Variants in LIG1 observed in about 807,000 individuals in gnomAD.
LIG1 encodes ligase I, DNA, ATP-dependent.
In LIG1, 70 loss-of-function variants were observed where a neutral mutation model predicts 115.7. The observed-to-expected ratio is 0.60, with a 90% confidence interval of 0.50 to 0.74. LIG1 has a LOEUF of 0.74. Among genes scored for constraint, LIG1 ranks in the 30% least tolerant of loss-of-function variants. The pLI, the probability that LIG1 is intolerant of heterozygous loss-of-function variation, is 0.00. For missense variants in LIG1, 1,115 were observed against 1,225.6 expected (o/e 0.91, Z 1.35); for synonymous variants, 487 against 495.3 (o/e 0.98, Z 0.22).
chr19:48,159,946 G>A (rs921735045), intron 4 of LIG1, among the ~76,000 whole-genome samples: 2 of 151,902 alleles, frequency 1.3e-5, no homozygotes, highest in Non-Finnish European at 2.9e-5. Flanking sequence ...CTCAATCTCC[G>A]GACCTTGTGA....
chr19:48,145,150 C>T (rs1385800600), intron 9 of LIG1, among the ~76,000 whole-genome samples: 2 of 152,140 alleles, frequency 1.3e-5, no homozygotes, highest in Non-Finnish European at 2.9e-5. Context: ...CCTCCCACCT[C>T]GACCTCCCAA....
At chr19:48,165,420 C>T (rs1324239402) in intron 2 of LIG1, 130 bp downstream of exon 2, 4 of 792,280 alleles carry the variant, frequency 5.0e-6, no homozygotes, top group Non-Finnish European at 2.2e-6. Flanking sequence ...CTACTTGACT[C>T]CTGGAAATTC....
At chr19:48,158,337 T>C (rs949425503) in intron 4 of LIG1, among the ~76,000 whole-genome samples, 2 of 147,220 alleles carry the variant, frequency 1.4e-5, no homozygotes, top group African/African-American at 5.0e-5. Flanking sequence ...CAAGGGCATC[T>C]ACAGAGAGCA....
chr19:48,136,483 T>G (rs1392272171), intron 14 of LIG1, among the ~76,000 whole-genome samples: 6 of 152,162 alleles, frequency 3.9e-5, no homozygotes, highest in African/African-American at 1.2e-4. Flanking sequence ...GACCCCAGCA[T>G]GGTCCTTGCT....
intron 9 of LIG1, among the ~76,000 whole-genome samples, chr19:48,149,209 A>C (rs2035317100): frequency 6.6e-6 from 1 of 152,214 alleles, no homozygotes; most frequent in African/African-American, 2.4e-5. Context: ...ACCTGGGAGA[A>C]TCGCTTGAAC....
At position 48,121,189 on chromosome 19, in the gene LIG1, T is replaced by C; in HGVS notation, c.2366A>G (p.Glu789Gly). 6.2e-7 allele frequency: 1 copy of C among 1,614,048 alleles called. No individual in the cohort carries two copies. The highest frequency in any genetic ancestry group is 8.5e-7 in the Non-Finnish European group (1 of 1,180,028). Residue 789 changes from glutamate to glycine, a missense_variant, in exon 24 of 28, where the codon GAG (glutamate) becomes GGG (glycine). By Grantham distance (98) the Glu-to-Gly change is moderately conservative (BLOSUM62 -2). Coordinates refer to ENST00000263274, the MANE Select transcript of LIG1 (RefSeq NM_000234.3). Reference sequence around the variant, plus strand: ...CAGGACCTTGCATATGGCCTGCAGCTCCTCACTGTCCTCGTCGTAGGAGGC... The same window carrying C: ...CAGGACCTTGCATATGGCCTGCAGCCCCTCACTGTCCTCGTCGTAGGAGGC... ...LLASYDEDSE[E>G]LQAICKLGTG...
Position 48,140,108 on chromosome 19 carries a change from C to G in LIG1, c.950G>C (p.Arg317Pro). Residue 317 changes from arginine to proline, a missense_variant, in exon 12 of 28, where the codon CGC becomes CCC. Arg to Pro is a moderately radical substitution (Grantham distance 103). Coordinates refer to ENST00000263274, the MANE Select transcript of LIG1 (RefSeq NM_000234.3). The stretch of plus-strand genomic sequence containing the variant: ...TGGAGGCGACAGGGCCACCACGGAG[C>G]GCAGCAAGTTGCTCAGCGTCTCCAC... ...RMVETLSNLL[R>P]SVVALSPPDL... 1 of 1,613,682 alleles carries G rather than the reference C, an allele frequency of 6.2e-7. No homozygotes were observed. Among genetic ancestry groups the G allele is most frequent in the Non-Finnish European group, 8.5e-7 (1 of 1,180,008 alleles).
intron 19 of LIG1, among the ~76,000 whole-genome samples, chr19:48,130,277 T>C (rs102347): frequency 0.48 from 72,585 of 152,140 alleles, 17,788 homozygotes; most frequent in East Asian, 0.75. Flanking sequence ...TGCCTCTCTC[T>C]GTCACTGTCT....
chr19:48,133,252 C>T (rs1247651086), intron 17 of LIG1, 155 bp from the exon 18 acceptor site: 1 of 644,716 alleles, frequency 1.6e-6, no homozygotes, highest in Admixed American at 2.3e-5. Flanking sequence ...CCTAGCCTCC[C>T]ACTGGGGACT....
chr19:48,154,652 A>T (rs1365282924), intron 5 of LIG1: 1 of 157,942 alleles, frequency 6.3e-6, no homozygotes, highest in Non-Finnish European at 1.4e-5. Flanking sequence ...AAAAGCCTCT[A>T]AACTCAGATA....
At position 48,164,367 on chromosome 19, in the gene LIG1, G is replaced by A. The variant is rs376579985; in HGVS notation, c.17+1183C>T. ...GTTTCTGGGATGGATGCCCTTGTCT[G>A]GGTCTCTCTACCATCCATTTTTTCC... On this transcript the variant is annotated intron_variant, in intron 2 of 27. Coordinates refer to ENST00000263274, the MANE Select transcript of LIG1 (RefSeq NM_000234.3). Among the ~76,000 whole-genome samples the A allele has an allele frequency of 7.9e-5, 12 of 152,266 alleles. No homozygotes were observed. The East Asian group carries it at 2.1e-3, about 27-fold the overall frequency.
intron 11 of LIG1, among the ~76,000 whole-genome samples, 193 bp downstream of exon 11, chr19:48,143,350 T>C (rs1339034103): frequency 6.6e-6 from 1 of 152,118 alleles, no homozygotes; most frequent in Non-Finnish European, 1.5e-5. Context: ...GCTCTGACCA[T>C]GAGAATGAGG....
At chr19:48,163,068 C>A (rs1467872708) in intron 2 of LIG1, among the ~76,000 whole-genome samples, 5 of 151,746 alleles carry the variant, frequency 3.3e-5, no homozygotes, top group Non-Finnish European at 5.9e-5. Flanking sequence ...GTGCCCACCA[C>A]AACGCCCAGC....
intron 9 of LIG1, among the ~76,000 whole-genome samples, chr19:48,144,321 G>A (rs186785369): frequency 6.6e-6 from 1 of 152,308 alleles, no homozygotes; most frequent in East Asian, 1.9e-4. Flanking sequence ...CAGGGGACGA[G>A]CATTCCAGGC....
chr19:48,162,161 T>C (rs541145942), intron 3 of LIG1, 101 bp downstream of exon 3: 16 of 1,165,262 alleles, frequency 1.4e-5, no homozygotes, highest in African/African-American at 1.4e-4. Flanking sequence ...AAAAAGTTTT[T>C]TGGGCCCCAA....
At chr19:48,125,919 C>T (rs935096054) in intron 21 of LIG1, among the ~76,000 whole-genome samples, 2 of 142,266 alleles carry the variant, frequency 1.4e-5, no homozygotes, top group Non-Finnish European at 3.0e-5. Context: ...CCCCAGGAGG[C>T]GGAGGTTGCA....
chr19:48,157,467 G>A (rs988513271), intron 4 of LIG1, among the ~76,000 whole-genome samples: 4 of 150,646 alleles, frequency 2.7e-5, no homozygotes, highest in South Asian at 2.1e-4. Flanking sequence ...TAGTAGAGAC[G>A]GGGTTTCACT....
In LIG1 at chr19:48,122,985, C is replaced by T; in HGVS notation, c.2181G>A (p.Leu727=). 5 of 1,613,750 alleles carry T rather than the reference C, an allele frequency of 3.1e-6. No individual in the cohort carries two copies. Among genetic ancestry groups the T allele is most frequent in the Non-Finnish European group, 4.2e-6 (5 of 1,179,978 alleles). Reference sequence around the variant, plus strand: ...CGATCTCGTAGGTGGCATCAACATCCAGGGTCTTCACCATCAGCCCCTCGC... The same window carrying T: ...CGATCTCGTAGGTGGCATCAACATCTAGGGTCTTCACCATCAGCCCCTCGC... ...DSCEGLMVKT[L]DVDATYEIAK... is the part of the protein sequence containing the mutation. The change falls in exon 23 of 28, where the codon CTG becomes CTA. Residue 727 remains leucine, a synonymous_variant. Transcript: ENST00000263274. The surrounding 1 kb of genome is among the most constrained non-coding windows in gnomAD (Gnocchi z 4.3).
chr19:48,144,393 T>C (rs1333264283), intron 9 of LIG1, among the ~76,000 whole-genome samples: 1 of 151,962 alleles, frequency 6.6e-6, no homozygotes, highest in Non-Finnish European at 1.5e-5. Flanking sequence ...AGAAAAGGGA[T>C]TGCGTAGCTG....
Sources: gnomAD v4.1 joint callset for allele counts (sites outside exome capture counted in the v4.1 genomes callset) on GRCh38, gnomAD v4.1.1 for gene constraint, Gnocchi (gnomAD v3.1) non-coding constraint, MANE v1.5 for transcripts, NCBI Gene and HGNC (gene_info 2026-07-23, HGNC 2026-07-21) for gene names.